SPPL2B: variants seen among roughly 807,000 people sequenced by gnomAD.
SPPL2B encodes signal peptide peptidase-like 2B.
Under a neutral mutation model 59.7 loss-of-function variants are expected in SPPL2B, and 39 were observed. The ratio of observed to expected loss-of-function variants is 0.65; its 90% CI spans 0.51 to 0.85. The LOEUF (loss-of-function observed/expected upper bound fraction) is 0.85, where lower values mean the gene tolerates loss of function less well. Among genes scored for constraint, SPPL2B ranks in the 40% least tolerant of loss-of-function variants. SPPL2B has a pLI of 0.00. For missense variants in SPPL2B, 865 were observed against 849.0 expected (o/e 1.02, Z -0.23); for synonymous variants, 419 against 370.8 (o/e 1.13, Z -1.49).
At chr19:2,340,330 C>T (rs1000434047) in intron 7 of SPPL2B, among the ~76,000 whole-genome samples, 158 bp downstream of exon 7, 2 of 152,132 alleles carry the variant, frequency 1.3e-5, no homozygotes, top group African/African-American at 4.8e-5. Flanking sequence ...AGGAGCAGGG[C>T]GGAGTCTGGG....
chr19:2,340,416 C>T, intron 7 of SPPL2B: 2 of 635,664 alleles, frequency 3.1e-6, no homozygotes, highest in South Asian at 1.6e-5. Context: ...CCCAGGAACC[C>T]TGCCCCAGGT....
chr19:2,348,483 CCACA>C (rs1214913913), intron 13 of SPPL2B, among the ~76,000 whole-genome samples: 13 of 146,766 alleles, frequency 8.9e-5, no homozygotes, highest in African/African-American at 2.8e-4. Flanking sequence ...CGTTCTCTCT[CCACA>C]CACACTCACG....
rs1968994369 is a variant in SPPL2B at position 2,340,965 on chromosome 19, T to C, written c.907T>C (p.Phe303Leu). 8.7e-6 allele frequency: 14 copies of C among 1,604,808 alleles called. No individual in the cohort carries two copies. The highest frequency in any genetic ancestry group is 1.2e-5 in the Non-Finnish European group (14 of 1,179,616). ...PQARMLLLALFCVAVSVVWGV... is the reference protein window; with the variant it reads ...PQARMLLLALLCVAVSVVWGV... Reference sequence around the variant, plus strand: ...GGCCCGTATGCTGCTCCTGGCGCTCTTCTGCGTGGCCGTCAGCGTGGTGTG... The same window carrying C: ...GGCCCGTATGCTGCTCCTGGCGCTCCTCTGCGTGGCCGTCAGCGTGGTGTG... The change falls in exon 8 of 15, where the codon TTC becomes CTC. Residue 303 changes from phenylalanine (F) to leucine (L), a missense_variant. Phe to Leu is a conservative substitution (Grantham distance 22). Transcript: ENST00000613503.
chr19:2,339,514 T>G (rs11881121), intron 5 of SPPL2B, among the ~76,000 whole-genome samples: 1 of 152,054 alleles, frequency 6.6e-6, no homozygotes, highest in South Asian at 2.1e-4. Context: ...CTGAGCCGCC[T>G]GGGTCTGGGG....
intron 14 of SPPL2B, among the ~76,000 whole-genome samples, chr19:2,352,375 C>T (rs1260552179): frequency 2.0e-5 from 3 of 152,334 alleles, no homozygotes; most frequent in East Asian, 3.9e-4. Context: ...TAGCTGATCT[C>T]CCTCTGGGGG....
chr19:2,328,784 G>A lies in SPPL2B; in HGVS notation c.66+9G>A, dbSNP rs1192760749. On this transcript the variant is annotated intron_variant, in intron 1 of 14. Transcript: ENST00000613503. ...TGCTCCTCGCGGCCCAGGTGAGCGCGGCACCGGTCCCGACGGCACCGCGGG... is the reference window on the plus strand; with the variant it reads ...TGCTCCTCGCGGCCCAGGTGAGCGCAGCACCGGTCCCGACGGCACCGCGGG... 4.9e-6 allele frequency: 7 copies of A among 1,419,186 alleles called. 1 individual carries two copies. The South Asian group carries it at 8.8e-5, about 18-fold the overall frequency. The allele number at this position is 1,419,186 out of a possible 1,614,324, so 87.9% of individuals were successfully genotyped here.
chr19:2,331,837 T>A (rs1968307400), intron 1 of SPPL2B, among the ~76,000 whole-genome samples: 1 of 152,238 alleles, frequency 6.6e-6, no homozygotes, highest in Non-Finnish European at 1.5e-5. Flanking sequence ...CTCCTGTTGT[T>A]CTTCCAGAGC....
chr19:2,341,710 G>A, intron 8 of SPPL2B: 1 of 417,652 alleles, frequency 2.4e-6, no homozygotes, highest in Admixed American at 2.6e-5. Flanking sequence ...GAAGGAAGAT[G>A]TGAAAATATT....
chr19:2,347,027 A>G (rs955694240), intron 13 of SPPL2B, among the ~76,000 whole-genome samples: 3 of 152,234 alleles, frequency 2.0e-5, no homozygotes, highest in African/African-American at 4.8e-5. Flanking sequence ...ATAATTTCAA[A>G]TGACAGTTGC....
rs987516537 is a variant in SPPL2B, at chr19:2,332,593, C to T, written c.67-2009C>T. Among the ~76,000 whole-genome samples, 3 of 152,144 alleles carry T rather than the reference C, an allele frequency of 2.0e-5. No individual in the cohort carries two copies. Reference sequence around the variant, plus strand: ...CAGGTCCCCTGGGGACCAGGGGGTGCGGCTGTCTCTCTGTCTGGGAGGTTT... The same window carrying T: ...CAGGTCCCCTGGGGACCAGGGGGTGTGGCTGTCTCTCTGTCTGGGAGGTTT... On this transcript the variant is annotated intron_variant, in intron 1 of 14. Transcript: ENST00000613503. The surrounding 1 kb of genome is among the most constrained non-coding windows in gnomAD (Gnocchi z 4.6).
intron 7 of SPPL2B, 53 bp downstream of exon 7, chr19:2,340,225 C>T (rs1419379935): frequency 1.8e-5 from 25 of 1,390,206 alleles, no homozygotes; most frequent in Middle Eastern, 2.2e-4. Context: ...GTGATGGCCA[C>T]GGCCCCTTTG....
intron 13 of SPPL2B, among the ~76,000 whole-genome samples, chr19:2,349,097 C>T (rs1351460386): frequency 3.3e-5 from 2 of 60,330 alleles, no homozygotes; most frequent in South Asian, 5.5e-4. Flanking sequence ...CTCGCGTTCT[C>T]ATTCGCTTGA....
In SPPL2B at chr19:2,344,598, G is replaced by T; in HGVS notation, c.1222G>T (p.Ala408Ser). The T allele has an allele frequency of 6.2e-7, 1 of 1,613,238 alleles. No individual in the cohort carries two copies. The highest frequency in any genetic ancestry group is 1.1e-5 in the South Asian group (1 of 91,002). The change falls in exon 12 of 15, where the codon GCC becomes TCC. Residue 408 changes from alanine to serine, a missense_variant. Ala to Ser is a moderately conservative substitution (Grantham distance 99). Transcript: ENST00000613503. ...KVPRLNSSPL[A>S]LCDRPFSLLG... ...GCCCAGGCTGAACTCCTCACCTCTG[G>T]CCCTGTGTGACCGGCCCTTCTCCCT...
At position 2,332,478 on chromosome 19, in the gene SPPL2B, G is replaced by A. The variant is rs116574343; in HGVS notation, c.67-2124G>A. ...CCTTGTGGCGTTGTGGTGTCGGCCC[G>A]TTTGGTGCGCAGCTCAGCATCCGTT... On this transcript the variant is annotated intron_variant, in intron 1 of 14. Transcript: ENST00000613503. This position sits in a 1 kb window ranked among gnomAD's most constrained non-coding sequence, Gnocchi z 4.6. Among the ~76,000 whole-genome samples the A allele has an allele frequency of 8.9e-4, 135 of 152,338 alleles. 1 individual carries two copies. The highest frequency in any genetic ancestry group is 3.2e-3 in the African/African-American group (133 of 41,578).
At chr19:2,351,875 C>T (rs1008364998) in intron 14 of SPPL2B, among the ~76,000 whole-genome samples, 23 of 151,478 alleles carry the variant, frequency 1.5e-4, no homozygotes, top group Admixed American at 5.9e-4. Flanking sequence ...GGGTGGGACG[C>T]GGGGGTGCCG....
chr19:2,350,498 C>T (rs1463392653), intron 13 of SPPL2B, among the ~76,000 whole-genome samples: 1 of 151,122 alleles, frequency 6.6e-6, no homozygotes, highest in Non-Finnish European at 1.5e-5. Context: ...CGCTTGATTC[C>T]ATTCTCTCTC....
chr19:2,336,249 A>T (rs1400428348), intron 2 of SPPL2B, among the ~76,000 whole-genome samples: 1 of 150,324 alleles, frequency 6.7e-6, no homozygotes, highest in Non-Finnish European at 1.5e-5. Flanking sequence ...GTGTGCATGC[A>T]ATAGTTTTGT....
chr19:2,334,492 A>C, intron 1 of SPPL2B, 110 bp from the exon 2 acceptor site: 13 of 1,427,416 alleles, frequency 9.1e-6, no homozygotes, highest in Non-Finnish European at 1.2e-5. Flanking sequence ...CCTGGTGAAC[A>C]TGGGCGCCCT....
chr19:2,330,278 T>TTTTTTTTC (rs1968214274), intron 1 of SPPL2B: 1 of 149,328 alleles, frequency 6.7e-6, no homozygotes, highest in Non-Finnish European at 1.5e-5. Flanking sequence ...TGGCTAAATT[T>TTTTTTTTC]TTTTTTTTTT....
Sources: gnomAD v4.1 joint callset for allele counts (sites outside exome capture counted in the v4.1 genomes callset) on GRCh38, gnomAD v4.1.1 for gene constraint, Gnocchi (gnomAD v3.1) non-coding constraint, MANE v1.5 for transcripts, NCBI Gene and HGNC (gene_info 2026-07-23, HGNC 2026-07-21) for gene names.